GNAQ: variants seen among roughly 807,000 people sequenced by gnomAD.
GNAQ encodes G protein subunit alpha q.
A neutral mutation model predicts 43.9 loss-of-function variants in GNAQ; 8 were observed. The ratio of observed to expected loss-of-function variants is 0.18; its 90% CI spans 0.11 to 0.33. The LOEUF (loss-of-function observed/expected upper bound fraction) is 0.33, where lower values mean the gene tolerates loss of function less well. Among genes scored for constraint, GNAQ ranks in the 10% least tolerant of loss-of-function variants. GNAQ has a pLI of 1.00. For missense variants in GNAQ, 158 were observed against 450.8 expected, an observed-to-expected ratio of 0.35 and a Z score of 5.88; for synonymous variants, 155 against 170.7, an observed-to-expected ratio of 0.91 and a Z score of 0.71.
chr9:77,855,742 A>T (rs1304858218), intron 2 of GNAQ, among the ~76,000 whole-genome samples: 1 of 152,086 alleles, frequency 6.6e-6, no homozygotes, highest in Non-Finnish European at 1.5e-5. Context: ...CTACCAATAA[A>T]AATGCAATAA....
chr9:77,779,520 A>G (rs1826355151), intron 5 of GNAQ, among the ~76,000 whole-genome samples: 2 of 151,822 alleles, frequency 1.3e-5, no homozygotes, highest in Admixed American at 1.3e-4. Context: ...AGAGCAAAGT[A>G]AATCCGAAGT....
At chr9:77,771,871 A>G (rs1826227442) in intron 5 of GNAQ, among the ~76,000 whole-genome samples, 1 of 152,124 alleles carries the variant, frequency 6.6e-6, no homozygotes, top group African/African-American at 2.4e-5. Flanking sequence ...AAAGGGGGAA[A>G]AACAGCAACC....
chr9:77,846,525 G>A (rs1827587457), intron 2 of GNAQ, among the ~76,000 whole-genome samples: 1 of 152,174 alleles, frequency 6.6e-6, no homozygotes, highest in Admixed American at 6.5e-5. Context: ...AATCCTGGTA[G>A]GCCAAGAAGA....
chr9:77,827,050 A>T (rs1258446074), intron 2 of GNAQ, among the ~76,000 whole-genome samples: 1 of 152,198 alleles, frequency 6.6e-6, no homozygotes, highest in Non-Finnish European at 1.5e-5. Context: ...TACATGTAAT[A>T]ATTATAGTGA....
intron 2 of GNAQ, among the ~76,000 whole-genome samples, chr9:77,849,012 T>G (rs1260071113): frequency 6.6e-6 from 1 of 152,192 alleles, no homozygotes; most frequent in Non-Finnish European, 1.5e-5. Context: ...AAATGTGTGG[T>G]GACAGAAATC....
intron 2 of GNAQ, among the ~76,000 whole-genome samples, chr9:77,860,688 C>A (rs1172770223): frequency 6.6e-6 from 1 of 152,168 alleles, no homozygotes; most frequent in Non-Finnish European, 1.5e-5. Flanking sequence ...GCCCGCAGCT[C>A]ACTGGTCCAT....
chr9:77,792,227 T>C (rs1035024035), intron 5 of GNAQ, among the ~76,000 whole-genome samples: 9 of 152,142 alleles, frequency 5.9e-5, no homozygotes, highest in East Asian at 3.9e-4. Flanking sequence ...TTTCATCTTA[T>C]AGAATTACCT....
intron 6 of GNAQ, among the ~76,000 whole-genome samples, chr9:77,727,185 C>T (rs1444944405): frequency 6.6e-6 from 1 of 151,188 alleles, no homozygotes; most frequent in African/African-American, 2.4e-5. Context: ...CTTGCCAACT[C>T]CTGCCTCATT....
At chr9:77,990,729 G>T (rs927935836) in intron 1 of GNAQ, among the ~76,000 whole-genome samples, 3 of 152,176 alleles carry the variant, frequency 2.0e-5, no homozygotes, top group Non-Finnish European at 4.4e-5. Flanking sequence ...TGTTGGAATC[G>T]AAAATTTGGC....
intron 2 of GNAQ, among the ~76,000 whole-genome samples, chr9:77,859,729 C>T (rs535559976): frequency 3.9e-5 from 6 of 152,050 alleles, no homozygotes; most frequent in African/African-American, 1.4e-4. Flanking sequence ...CAATGGAAGC[C>T]AAGATTTTAA....
intron 5 of GNAQ, among the ~76,000 whole-genome samples, chr9:77,789,148 C>T (rs1373872017): frequency 6.6e-6 from 1 of 152,190 alleles, no homozygotes; most frequent in Non-Finnish European, 1.5e-5. Flanking sequence ...CCATCCAATC[C>T]TTACTGTCCT....
intron 1 of GNAQ, among the ~76,000 whole-genome samples, chr9:78,029,355 T>A (rs138576716): frequency 3.0e-4 from 44 of 145,304 alleles, no homozygotes; most frequent in Non-Finnish European, 6.1e-4. Flanking sequence ...CCCTTAATTA[T>A]ACACTTAAAA....
intron 3 of GNAQ, among the ~76,000 whole-genome samples, chr9:77,802,820 T>A (rs1300841192): frequency 6.6e-6 from 1 of 152,158 alleles, no homozygotes; most frequent in Non-Finnish European, 1.5e-5. Context: ...CTATTCATGT[T>A]AGAAAATGGG....
chr9:77,983,867 A>T (rs1032829602), intron 1 of GNAQ, among the ~76,000 whole-genome samples: 2 of 152,100 alleles, frequency 1.3e-5, no homozygotes, highest in Non-Finnish European at 2.9e-5. Context: ...TGTATCCTAA[A>T]GGAAGTCCAC....
intron 1 of GNAQ, among the ~76,000 whole-genome samples, chr9:77,988,310 A>T (rs1271414021): frequency 1.3e-5 from 2 of 152,244 alleles, no homozygotes; most frequent in Admixed American, 1.3e-4. Context: ...TGCTGCAGAA[A>T]GAATACCAGG....
intron 2 of GNAQ, among the ~76,000 whole-genome samples, chr9:77,857,524 GGAAGGAAGGGAA>G (rs1827774943): frequency 6.9e-6 from 1 of 145,336 alleles, no homozygotes; most frequent in Admixed American, 6.9e-5. Context: ...AAGGGAAGAA[GGAAGGAAGGGAA>G]GAAGGAAGGG....
chr9:77,777,340 C>A (rs747351645), intron 5 of GNAQ, among the ~76,000 whole-genome samples: 3 of 151,986 alleles, frequency 2.0e-5, no homozygotes, highest in Non-Finnish European at 4.4e-5. Context: ...TGTATAAAAA[C>A]CAACTCAAAA....
Position 77,833,756 on chromosome 9 carries a change from C to T in GNAQ, c.322-17986G>A, listed in dbSNP as rs569306722. Reference sequence around the variant, plus strand: ...GAAATTAGTCTGGTCATATACACACCTTTTTTTATTCTTATACTTGTTTTA... The same window carrying T: ...GAAATTAGTCTGGTCATATACACACTTTTTTTTATTCTTATACTTGTTTTA... On this transcript the variant is annotated intron_variant, in intron 2 of 6. Coordinates refer to ENST00000286548, the MANE Select transcript of GNAQ (RefSeq NM_002072.5). 3.3e-5 allele frequency among the ~76,000 whole-genome samples: 5 copies of T among 152,212 alleles called. No individual in the cohort carries two copies. The South Asian group carries it at 1.0e-3, about 32-fold the overall frequency.
chr9:77,963,588 G>A (rs888928682), intron 1 of GNAQ, among the ~76,000 whole-genome samples: 2 of 152,166 alleles, frequency 1.3e-5, no homozygotes, highest in East Asian at 1.9e-4. Flanking sequence ...GGAAGTCAAA[G>A]CAAATGCAGC....
Sources: gnomAD v4.1 joint callset for allele counts (sites outside exome capture counted in the v4.1 genomes callset) on GRCh38, gnomAD v4.1.1 for gene constraint, MANE v1.5 for transcripts, NCBI Gene and HGNC (gene_info 2026-07-23, HGNC 2026-07-21) for gene names.